AP2A1: variants seen among roughly 807,000 people sequenced by gnomAD.
AP2A1 encodes adaptor related protein complex 2 subunit alpha 1.
In AP2A1, 21 loss-of-function variants were observed where a neutral mutation model predicts 107.3. That is an observed-to-expected ratio of 0.20 (90% CI 0.14 to 0.28). AP2A1 has a LOEUF of 0.28. Among genes scored for constraint, AP2A1 ranks in the 10% least tolerant of loss-of-function variants. The pLI is 1.00. For synonymous variants in AP2A1, 602 were observed against 564.8 expected (o/e 1.07, Z -0.93); for missense variants, 873 against 1,307.7 (o/e 0.67, Z 5.13).
chr19:49,805,452 C>A lies in AP2A1; in HGVS notation c.2345-1C>A, dbSNP rs1223198640. 1 of 1,535,830 alleles carries A rather than the reference C, an allele frequency of 6.5e-7. No individual in the cohort carries two copies. Among genetic ancestry groups the A allele is most frequent in the Admixed American group, 2.0e-5 (1 of 49,934 alleles). ...TGGCTTCCTTGACTCCTGGCGGGCA[C>A]AGCTGGCTGTGCAGACCAAGCGCGT... On this transcript the variant is annotated splice_acceptor_variant, in intron 18 of 22. Coordinates refer to ENST00000354293, the MANE Select transcript of AP2A1 (RefSeq NM_130787.3). LOFTEE classifies it high-confidence loss of function.
intron 18 of AP2A1, chr19:49,805,072 A>C: frequency 5.5e-6 from 1 of 181,054 alleles, no homozygotes. Flanking sequence ...ATGCCTGGCT[A>C]ATTTTTTTGT....
chr19:49,787,374 GTCTC>G (rs1349950546), intron 4 of AP2A1, among the ~76,000 whole-genome samples: 3 of 128,176 alleles, frequency 2.3e-5, no homozygotes, highest in African/African-American at 6.2e-5. Flanking sequence ...TTTTGAGGCA[GTCTC>G]TCTCTGTCAC....
chr19:49,801,878 C>G lies in AP2A1; in HGVS notation c.1942C>G (p.Pro648Ala). The G allele has an allele frequency of 1.3e-6, 2 of 1,491,812 alleles. No individual in the cohort carries two copies. Among genetic ancestry groups the G allele is most frequent in the Non-Finnish European group, 1.8e-6 (2 of 1,124,728 alleles). 92.4% of individuals were successfully genotyped at this position (1,491,812 alleles called of 1,614,324 possible). A position where few individuals can be genotyped will look rare whatever the true frequency, so the allele number is the denominator to read the frequency against. The change falls in exon 14 of 23, where the codon CCC (proline) becomes GCC (alanine). Residue 648 changes from proline to alanine, a missense_variant. Pro to Ala is a conservative substitution (Grantham distance 27, BLOSUM62 -1). Coordinates refer to ENST00000354293, the MANE Select transcript of AP2A1 (RefSeq NM_130787.3). ...CATCAACGGGGGCATGGAGCCCACCCCCAGCACTGTGGTGAGTCCCCTGGG... is the reference window on the plus strand; with the variant it reads ...CATCAACGGGGGCATGGAGCCCACCGCCAGCACTGTGGTGAGTCCCCTGGG... ...NDINGGMEPTPSTVSTPSPSA... is the reference protein window; with the variant it reads ...NDINGGMEPTASTVSTPSPSA...
chr19:49,787,342 T>TG (rs1216566310), intron 4 of AP2A1, among the ~76,000 whole-genome samples: 37 of 112,898 alleles, frequency 3.3e-4, no homozygotes, highest in Middle Eastern at 4.6e-3. Context: ...TTGTTTGTTT[T>TG]TTTTGTTTTT....
At chr19:49,795,547 C>T (rs533142210) in intron 6 of AP2A1, 83 bp from the exon 7 acceptor site, 118 of 898,810 alleles carry the variant, frequency 1.3e-4, no homozygotes, top group Admixed American at 1.0e-3. Context: ...CCTTGGAAGG[C>T]ACCATTTGCT....
chr19:49,806,709 A>G lies in AP2A1; in HGVS notation c.2819A>G (p.Lys940Arg). ...TACCGGCTGACCCTGCGCACCAGCA[A>G]GGAGCCCGTCTCCCGTCACCTGTGT... The part of the protein sequence containing the change: ...QMYRLTLRTS[K>R]EPVSRHLCEL... The change falls in exon 23 of 23, where the codon AAG becomes AGG. Residue 940 changes from lysine to arginine, a missense_variant. Transcript: ENST00000354293. The G allele has an allele frequency of 1.2e-6, 2 of 1,613,328 alleles. No homozygotes were observed. The highest frequency in any genetic ancestry group is 1.7e-6 in the Non-Finnish European group (2 of 1,179,830).
At chr19:49,799,912 G>A in intron 10 of AP2A1, 56 bp from the exon 11 acceptor site, 1 of 1,593,620 alleles carries the variant, frequency 6.3e-7, no homozygotes, top group Non-Finnish European at 8.6e-7. Flanking sequence ...AGATCCAGGT[G>A]AGTGAAAGCC....
chr19:49,793,162 G>T, intron 6 of AP2A1, 70 bp downstream of exon 6: 3 of 1,375,952 alleles, frequency 2.2e-6, no homozygotes, highest in Non-Finnish European at 2.0e-6. Context: ...CACCCCTCAG[G>T]CCCCCACTCT....
At chr19:49,800,807 C>T (rs916087963) in intron 11 of AP2A1, 154 bp from the exon 12 acceptor site, 77 of 590,046 alleles carry the variant, frequency 1.3e-4, no homozygotes, top group African/African-American at 1.1e-3. Context: ...AGCTTGGGCC[C>T]GTCACTCAAC....
intron 1 of AP2A1, 117 bp from the exon 2 acceptor site, chr19:49,781,640 G>A: frequency 1.8e-6 from 2 of 1,082,936 alleles, no homozygotes; most frequent in South Asian, 1.5e-5. Context: ...TGAGCCCCAG[G>A]GCTTGGGGGC....
chr19:49,805,374 C>T (rs1185851057), intron 18 of AP2A1, 79 bp from the exon 19 acceptor site: 16 of 1,435,176 alleles, frequency 1.1e-5, no homozygotes, highest in East Asian at 2.5e-5. Context: ...CGGGAGCTGC[C>T]GGGAGCTCTG....
rs1021106728 is a variant in AP2A1 at position 49,785,692 on chromosome 19, A to G, written c.473+2968A>G. On this transcript the variant is annotated intron_variant, in intron 4 of 22. Coordinates refer to ENST00000354293, the MANE Select transcript of AP2A1 (RefSeq NM_130787.3). This position sits in a 1 kb window ranked among gnomAD's most constrained non-coding sequence, Gnocchi z 4.1. ...AGCACCTTGGGAGGCCAAGGTGGGC[A>G]GATCACTTGAGGTCAGGAGTTCAAG... is the stretch of plus-strand genomic sequence containing the variant. Among the ~76,000 whole-genome samples, 6 of 152,082 alleles carry G rather than the reference A, an allele frequency of 3.9e-5. No individual in the cohort carries two copies. The highest frequency in any genetic ancestry group is 7.4e-5 in the Non-Finnish European group (5 of 67,998).
intron 1 of AP2A1, among the ~76,000 whole-genome samples, chr19:49,773,142 T>A (rs1156289561): frequency 1.3e-5 from 2 of 151,940 alleles, no homozygotes. Flanking sequence ...GGAGGGCAAA[T>A]TCTGCAGATA....
rs1376931046 is a variant in AP2A1 at position 49,802,107 on chromosome 19, A to G, written c.2080A>G (p.Ser694Gly). 6.3e-7 allele frequency: 1 copy of G among 1,587,610 alleles called. No individual in the cohort carries two copies. The highest frequency in any genetic ancestry group is 8.5e-7 in the Non-Finnish European group (1 of 1,173,632). Reference sequence around the variant, plus strand: ...CTTCGATGGCCCGGCCGCCCAGCCCAGCCTGGGGCCCACCCCCGAGGAGGC... The same window carrying G: ...CTTCGATGGCCCGGCCGCCCAGCCCGGCCTGGGGCCCACCCCCGAGGAGGC... ...DVFDGPAAQP[S>G]LGPTPEEAFL... The change falls in exon 15 of 23, where the codon AGC (serine) becomes GGC (glycine). Residue 694 changes from serine to glycine, a missense_variant. Physicochemically the swap from Ser to Gly is moderately conservative, Grantham distance 56 (BLOSUM62 0). Around this residue, in one of 4 missense-constraint regions of AP2A1, gnomAD observed 416 missense variants for 473.4 expected, o/e 0.88. Coordinates refer to ENST00000354293, the MANE Select transcript of AP2A1 (RefSeq NM_130787.3).
At chr19:49,780,649 C>T (rs756996911) in intron 1 of AP2A1, among the ~76,000 whole-genome samples, 22 of 152,104 alleles carry the variant, frequency 1.4e-4, no homozygotes, top group Admixed American at 5.2e-4. Context: ...CTGACCTGAG[C>T]GAGCGAGCAT....
rs2084690289 is a variant in AP2A1 at position 49,782,531 on chromosome 19, G to A, written c.280G>A (p.Gly94Ser). 1 of 1,613,392 alleles carries A rather than the reference G, an allele frequency of 6.2e-7. No homozygotes were observed. The highest frequency in any genetic ancestry group is 8.5e-7 in the Non-Finnish European group (1 of 1,179,532). The part of the protein sequence containing the change: ...SSNKYTEKQI[G>S]YLFISVLVNS... The stretch of plus-strand genomic sequence containing the variant: ...CCATCCACGACCTCCCTCCCCACAG[G>A]GTTACCTGTTCATTTCTGTGCTGGT... Residue 94 changes from glycine (G) to serine (S), a missense_variant and splice_region_variant, in exon 4 of 23, where the codon GGT becomes AGT. Around this residue, in one of 4 missense-constraint regions of AP2A1, gnomAD observed 87 missense variants for 178.2 expected, o/e 0.49. Transcript: ENST00000354293.
At chr19:49,792,917 T>C in intron 5 of AP2A1, 74 bp from the exon 6 acceptor site, 2 of 1,303,584 alleles carry the variant, frequency 1.5e-6, no homozygotes, top group East Asian at 2.5e-5. Context: ...CCCGACCCTG[T>C]CCCGCTCCTG....
rs549064481 is a variant in AP2A1 at position 49,785,397 on chromosome 19, G to A, written c.473+2673G>A. On this transcript the variant is annotated intron_variant, in intron 4 of 22. Transcript: ENST00000354293. This position sits in a 1 kb window ranked among gnomAD's most constrained non-coding sequence, Gnocchi z 4.1. ...TATGTGCTGTGCTAGGATGAGGTGG[G>A]GACATTGAACAGGTGAGTGAATGAT... Among the ~76,000 whole-genome samples the A allele has an allele frequency of 1.3e-5, 2 of 152,230 alleles. No homozygotes were observed. The highest frequency in any genetic ancestry group is 4.1e-4 in the South Asian group (2 of 4,826).
intron 4 of AP2A1, among the ~76,000 whole-genome samples, chr19:49,784,030 A>G (rs2084708499): frequency 6.6e-6 from 1 of 152,244 alleles, no homozygotes; most frequent in South Asian, 2.1e-4. Flanking sequence ...TTTCACCACA[A>G]GCTTCAGTGA....
Sources: allele counts gnomAD v4.1 joint callset (sites outside exome capture counted in the v4.1 genomes callset), GRCh38; gene constraint gnomAD v4.1.1; regional missense constraint gnomAD v4.1.1; non-coding constraint Gnocchi (gnomAD v3.1); transcripts MANE v1.5; gene names NCBI Gene and HGNC (gene_info 2026-07-23, HGNC 2026-07-21).